PPM1H: variants seen among roughly 807,000 people sequenced by gnomAD.
The protein encoded by PPM1H is protein phosphatase 1H.
A neutral mutation model predicts 54.9 loss-of-function variants in PPM1H; 27 were observed. The ratio of observed to expected loss-of-function variants is 0.49; its 90% confidence interval spans 0.36 to 0.68. PPM1H has a LOEUF of 0.68. Ranked by LOEUF, PPM1H falls within the 30% of genes least tolerant of loss-of-function variation. PPM1H has a pLI of 0.00. For missense variants in PPM1H, 596 were observed against 667.8 expected (o/e 0.89, Z 1.19); for synonymous variants, 305 against 270.8 (o/e 1.13, Z -1.24).
At chr12:62,750,197 C>T (rs2120573118) in intron 4 of PPM1H, among the ~76,000 whole-genome samples, 1 of 152,292 alleles carries the variant, frequency 6.6e-6, no homozygotes, top group Non-Finnish European at 1.5e-5. Context: ...GTTGTGCAAC[C>T]ATCACCATTA....
chr12:62,783,786 T>G (rs1010018726), intron 4 of PPM1H, among the ~76,000 whole-genome samples: 4 of 152,242 alleles, frequency 2.6e-5, no homozygotes, highest in Non-Finnish European at 5.9e-5. Flanking sequence ...CTTAAATGCT[T>G]TTTAAAACTC....
intron 8 of PPM1H, among the ~76,000 whole-genome samples, chr12:62,670,134 C>G (rs183236698): frequency 2.6e-5 from 4 of 151,694 alleles, no homozygotes; most frequent in African/African-American, 9.7e-5. Context: ...TGTGCCACCA[C>G]GCCCGGCTAA....
intron 9 of PPM1H, among the ~76,000 whole-genome samples, chr12:62,656,238 T>C (rs2075843454): frequency 6.6e-6 from 1 of 152,194 alleles, no homozygotes. Flanking sequence ...TTTCCCACCA[T>C]CCAGATGGGT....
chr12:62,933,524 A>C (rs1325173124), intron 1 of PPM1H, among the ~76,000 whole-genome samples: 1 of 152,210 alleles, frequency 6.6e-6, no homozygotes, highest in African/African-American at 2.4e-5. Flanking sequence ...GCCAGCCACC[A>C]GGTTTTGCGT....
chr12:62,880,336 C>T (rs1301389993), intron 1 of PPM1H, among the ~76,000 whole-genome samples: 2 of 151,872 alleles, frequency 1.3e-5, no homozygotes, highest in Non-Finnish European at 2.9e-5. Context: ...ATTAGGTGCC[C>T]TCTTCATTTG....
chr12:62,807,580 G>T (rs891460040), intron 2 of PPM1H, among the ~76,000 whole-genome samples: 2 of 151,980 alleles, frequency 1.3e-5, no homozygotes, highest in African/African-American at 2.4e-5. Context: ...TTAGCTGGTT[G>T]TCCCTTTTGC....
intron 2 of PPM1H, among the ~76,000 whole-genome samples, chr12:62,830,898 G>T (rs2120852844): frequency 6.6e-6 from 1 of 152,204 alleles, no homozygotes; most frequent in South Asian, 2.1e-4. Flanking sequence ...CTGTCGCCCA[G>T]GCTGGAGTGC....
At chr12:62,694,212 G>A (rs1043504584) in intron 6 of PPM1H, among the ~76,000 whole-genome samples, 2 of 152,272 alleles carry the variant, frequency 1.3e-5, no homozygotes, top group East Asian at 3.9e-4. Flanking sequence ...TGCTTGAAGA[G>A]GGAGGAAATA....
chr12:62,788,350 A>C lies in PPM1H; in HGVS notation c.757-12T>G. 6.7e-7 allele frequency: 1 copy of C among 1,484,190 alleles called. No homozygotes were observed. Among genetic ancestry groups the C allele is most frequent in the Non-Finnish European group, 9.2e-7 (1 of 1,082,038 alleles). 91.9% of individuals were successfully genotyped at this position (1,484,190 alleles called of 1,614,324 possible). ...TCTATCTGTAGGTCCTGGAGAATAA[A>C]ACAGAGTTAGTGTTGGATTGTGCAG... On this transcript the variant is annotated splice_polypyrimidine_tract_variant and intron_variant, in intron 3 of 9. Transcript: ENST00000228705.
chr12:62,696,432 C>T (rs1426200001), intron 6 of PPM1H, among the ~76,000 whole-genome samples: 1 of 152,208 alleles, frequency 6.6e-6, no homozygotes, highest in African/African-American at 2.4e-5. Flanking sequence ...CACTCCCTCT[C>T]CCCCAGCAAC....
At chr12:62,656,410 T>C (rs1375587481) in intron 9 of PPM1H, among the ~76,000 whole-genome samples, 1 of 152,212 alleles carries the variant, frequency 6.6e-6, no homozygotes, top group African/African-American at 2.4e-5. Flanking sequence ...TTATGTTCCT[T>C]ATTAGATATT....
intron 4 of PPM1H, among the ~76,000 whole-genome samples, chr12:62,767,272 G>A (rs1002669241): frequency 3.3e-5 from 5 of 152,104 alleles, no homozygotes; most frequent in Admixed American, 3.3e-4. Context: ...GCTGGCTGAA[G>A]ACAAACCCTG....
chr12:62,729,242 A>G (rs2076306977), intron 5 of PPM1H, among the ~76,000 whole-genome samples: 1 of 152,162 alleles, frequency 6.6e-6, no homozygotes, highest in African/African-American at 2.4e-5. Context: ...AGGATCAGAG[A>G]GAATCTGCAA....
chr12:62,799,117 T>G (rs144762770), intron 3 of PPM1H, among the ~76,000 whole-genome samples: 1 of 152,252 alleles, frequency 6.6e-6, no homozygotes, highest in Admixed American at 6.5e-5. Context: ...TTGTTGTTTT[T>G]GCTGGTGACT....
chr12:62,688,614 T>A (rs2031003317), intron 8 of PPM1H, among the ~76,000 whole-genome samples: 1 of 152,136 alleles, frequency 6.6e-6, no homozygotes, highest in Admixed American at 6.5e-5. Context: ...ATGACCAACT[T>A]GTTTGTAAAT....
At chr12:62,884,390 A>T (rs1282234598) in intron 1 of PPM1H, among the ~76,000 whole-genome samples, 2 of 150,638 alleles carry the variant, frequency 1.3e-5, no homozygotes, top group Non-Finnish European at 3.0e-5. Context: ...AATCCCAGCT[A>T]TTTGGGAAGC....
At chr12:62,785,625 T>A (rs2076666469) in intron 4 of PPM1H, among the ~76,000 whole-genome samples, 1 of 152,180 alleles carries the variant, frequency 6.6e-6, no homozygotes, top group African/African-American at 2.4e-5. Context: ...CATGGGATAA[T>A]TTTTAGAGAT....
intron 4 of PPM1H, among the ~76,000 whole-genome samples, chr12:62,754,919 T>G (rs921003937): frequency 1.3e-5 from 2 of 150,402 alleles, no homozygotes; most frequent in Admixed American, 6.6e-5. Flanking sequence ...GTCGGGAGAG[T>G]GAGGGTAGGT....
At chr12:62,763,096 C>T (rs528946926) in intron 4 of PPM1H, among the ~76,000 whole-genome samples, 1 of 152,308 alleles carries the variant, frequency 6.6e-6, no homozygotes, top group African/African-American at 2.4e-5. Context: ...CAAGCAGGGA[C>T]CGAGAAGCAG....
Sources: gnomAD v4.1 joint callset for allele counts (sites outside exome capture counted in the v4.1 genomes callset) on GRCh38, gnomAD v4.1.1 for gene constraint, MANE v1.5 for transcripts, NCBI Gene and HGNC (gene_info 2026-07-23, HGNC 2026-07-21) for gene names.